Variants in DNAH3 observed in about 807,000 individuals in gnomAD.
The protein encoded by DNAH3 is axonemal beta dynein heavy chain 3.
A neutral mutation model predicts 432.5 loss-of-function variants in DNAH3; 332 were observed. That is an observed-to-expected ratio of 0.77 (90% CI 0.70 to 0.84). The LOEUF is 0.84. Among genes scored for constraint, DNAH3 ranks in the 40% least tolerant of loss-of-function variants. The probability of loss-of-function intolerance (pLI) is 0.00; values close to 1 mark genes in which losing one functional copy is unlikely to be tolerated. For missense variants in DNAH3, 4,861 were observed against 5,114.0 expected (o/e 0.95, Z 1.51); for synonymous variants, 1,956 against 1,900.2 (o/e 1.03, Z -0.76).
At chr16:21,097,566 G>A (rs1169948225) in intron 17 of DNAH3, 67 bp from the exon 18 acceptor site, 2 of 1,590,034 alleles carry the variant, frequency 1.3e-6, no homozygotes, top group Non-Finnish European at 8.6e-7. Flanking sequence ...AGACACCAGG[G>A]CAAATTCCTC....
In DNAH3 at chr16:21,117,168, A is replaced by C. The variant is rs1328576686; in HGVS notation, c.1814+35T>G. 3.5e-6 allele frequency: 5 copies of C among 1,447,854 alleles called. No homozygotes were observed. In the African/African-American group the frequency reaches 7.1e-5, roughly 21 times the overall value. 89.7% of individuals were successfully genotyped at this position (1,447,854 alleles called of 1,614,324 possible). A position where few individuals can be genotyped will look rare whatever the true frequency, so the allele number is the denominator to read the frequency against. Reference sequence around the variant, plus strand: ...TAAGAACACCAAATCAATCCCAAAAAGCTACATAGCTAATAAATTTATAAC... The same window carrying C: ...TAAGAACACCAAATCAATCCCAAAACGCTACATAGCTAATAAATTTATAAC... On this transcript the variant is annotated intron_variant, in intron 12 of 61. Transcript: ENST00000261383.
At chr16:20,963,597 T>C in exon 53 of DNAH3, 1 of 1,613,988 alleles carries the variant, frequency 6.2e-7, no homozygotes. Flanking sequence ...GCAGTTTGGG[T>C]AAGGCAGATG....
chr16:21,022,748 A>ATT lies in DNAH3; in HGVS notation c.5647-650_5647-649dup, dbSNP rs111992683. Among the ~76,000 whole-genome samples the ATT allele has an allele frequency of 2.3e-4, 33 of 143,782 alleles. No homozygotes were observed. In the South Asian group the frequency reaches 3.5e-3, roughly 15 times the overall value. The allele number at this position is 143,782 out of a possible 152,430, so 94.3% of individuals were successfully genotyped here. ...AAAGATTTATTTATTTACTTACTAA[A>ATT]TTTTTTTTTTTTTTGAGACGGAGTT... On this transcript the variant is annotated intron_variant, in intron 39 of 61. Transcript: ENST00000261383.
At chr16:20,933,225 G>T in exon 62 of DNAH3, 2 of 1,614,264 alleles carry the variant, frequency 1.2e-6, no homozygotes, top group Non-Finnish European at 1.7e-6. Context: ...TCTGTTGGAA[G>T]CTCAATGGAG....
chr16:20,946,405 A>C (rs1470553634), intron 57 of DNAH3, among the ~76,000 whole-genome samples: 1 of 152,136 alleles, frequency 6.6e-6, no homozygotes, highest in Non-Finnish European at 1.5e-5. Context: ...TATTTGACTG[A>C]TGCCTCGCGT....
exon 53 of DNAH3, chr16:20,963,612 G>A (rs192514248): frequency 2.0e-5 from 32 of 1,614,000 alleles, no homozygotes; most frequent in Admixed American, 1.2e-4. Context: ...CAGATGCACG[G>A]ACAATCTCTG....
intron 41 of DNAH3, among the ~76,000 whole-genome samples, chr16:21,009,612 CTTATGCCTATAA>C (rs1473061265): frequency 6.6e-6 from 1 of 152,166 alleles, no homozygotes; most frequent in Non-Finnish European, 1.5e-5. Flanking sequence ...GGTGTGGTGG[CTTATGCCTATAA>C]TTCCAGCACT....
At chr16:21,016,649 C>T (rs1239794902) in intron 41 of DNAH3, among the ~76,000 whole-genome samples, 1 of 152,134 alleles carries the variant, frequency 6.6e-6, no homozygotes, top group African/African-American at 2.4e-5. Context: ...TCCAGATTTT[C>T]ACTTCTGAGT....
At chr16:21,081,921 T>A (rs1028387670) in intron 19 of DNAH3, among the ~76,000 whole-genome samples, 194 bp from the exon 20 acceptor site, 1 of 152,188 alleles carries the variant, frequency 6.6e-6, no homozygotes, top group African/African-American at 2.4e-5. Context: ...TTAAAAAAAT[T>A]TTTTGAGACA....
At chr16:20,936,904 T>C in intron 59 of DNAH3, 51 bp from the exon 60 acceptor site, 1 of 1,468,314 alleles carries the variant, frequency 6.8e-7, no homozygotes, top group Admixed American at 1.9e-5. Flanking sequence ...GGCCACATTC[T>C]ACCCAAGTCC....
chr16:20,997,982 G>A lies in DNAH3; in HGVS notation c.6422-520C>T, dbSNP rs368424960. ...AGATTGTGCCACTGCACTCCATCCA[G>A]CCTGGGCAACAGAGTGAGACCCTGC... On this transcript the variant is annotated intron_variant, in intron 43 of 61. Coordinates refer to ENST00000261383, the Ensembl canonical transcript of DNAH3. Among the ~76,000 whole-genome samples the A allele has an allele frequency of 2.4e-4, 36 of 152,204 alleles. 2 individuals carry two copies. The South Asian group carries it at 7.5e-3, about 32-fold the overall frequency.
intron 41 of DNAH3, among the ~76,000 whole-genome samples, chr16:21,015,538 T>A (rs972958942): frequency 6.6e-6 from 1 of 152,162 alleles, no homozygotes; most frequent in Non-Finnish European, 1.5e-5. Flanking sequence ...GAGTGAACCT[T>A]AACATACACT....
intron 53 of DNAH3, among the ~76,000 whole-genome samples, chr16:20,962,124 G>A (rs1011864942): frequency 1.3e-5 from 2 of 151,582 alleles, no homozygotes; most frequent in African/African-American, 4.8e-5. Context: ...TCACGCCACT[G>A]CAGTCCAGCC....
intron 53 of DNAH3, among the ~76,000 whole-genome samples, chr16:20,962,914 C>T (rs2152619681): frequency 6.6e-6 from 1 of 152,336 alleles, no homozygotes; most frequent in East Asian, 1.9e-4. Context: ...CCAACTCATT[C>T]TCCCAAAGTG....
intron 57 of DNAH3, among the ~76,000 whole-genome samples, chr16:20,946,270 CCT>C (rs1231642748): frequency 2.6e-5 from 4 of 152,212 alleles, no homozygotes; most frequent in Non-Finnish European, 5.9e-5. Flanking sequence ...CCCAGGCATT[CCT>C]TTCTATTGAT....
intron 44 of DNAH3, among the ~76,000 whole-genome samples, chr16:20,995,756 G>C (rs897957632): frequency 2.0e-5 from 3 of 152,142 alleles, no homozygotes; most frequent in Admixed American, 6.5e-5. Context: ...ACACCTGACT[G>C]GTCAGTTTTG....
intron 50 of DNAH3, among the ~76,000 whole-genome samples, chr16:20,976,491 C>A (rs1324034397): frequency 2.6e-5 from 4 of 152,158 alleles, no homozygotes; most frequent in African/African-American, 4.8e-5. Flanking sequence ...CTGTGCCCAG[C>A]CAAAATAATT....
intron 53 of DNAH3, among the ~76,000 whole-genome samples, chr16:20,962,923 T>C (rs1208541326): frequency 1.3e-5 from 2 of 152,196 alleles, no homozygotes; most frequent in Non-Finnish European, 1.5e-5. Flanking sequence ...TCTCCCAAAG[T>C]GCTGGGATTA....
exon 19 of DNAH3, chr16:21,086,923 C>CGATCTT: frequency 6.2e-7 from 1 of 1,614,184 alleles, no homozygotes. Flanking sequence ...TTGAACTTAT[C>CGATCTT]GATCTTGATC....
Sources: allele counts gnomAD v4.1 joint callset (sites outside exome capture counted in the v4.1 genomes callset), GRCh38; gene constraint gnomAD v4.1.1; transcripts MANE v1.5; gene names NCBI Gene and HGNC (gene_info 2026-07-23, HGNC 2026-07-21).